The following SGTB variants were observed in gnomAD, a reference collection of about 807,000 sequenced individuals.
The protein encoded by SGTB is small glutamine-rich tetratricopeptide repeat-containing protein beta.
A neutral mutation model predicts 43.9 loss-of-function variants in SGTB; 19 were observed. The ratio of observed to expected loss-of-function variants is 0.43; its 90% confidence interval spans 0.30 to 0.63. The LOEUF (loss-of-function observed/expected upper bound fraction) is 0.63, where lower values mean the gene tolerates loss of function less well. Among genes scored for constraint, SGTB ranks in the 30% least tolerant of loss-of-function variants. The probability of loss-of-function intolerance (pLI) is 0.12; values close to 1 mark genes in which losing one functional copy is unlikely to be tolerated. For missense variants in SGTB, 304 were observed against 358.9 expected, an observed-to-expected ratio of 0.85 and a Z score of 1.24; for synonymous variants, 116 against 117.3, an observed-to-expected ratio of 0.99 and a Z score of 0.07.
chr5:65,712,537 G>A (rs1252796913), intron 3 of SGTB, among the ~76,000 whole-genome samples: 2 of 152,178 alleles, frequency 1.3e-5, no homozygotes, highest in Non-Finnish European at 2.9e-5. Context: ...CAGAAATGAC[G>A]ATTCAATTCC....
Position 65,685,399 on chromosome 5 carries a change from A to C in SGTB, c.448T>G (p.Ser150Ala). 5 of 1,614,174 alleles carry C rather than the reference A, an allele frequency of 3.1e-6. No homozygotes were observed. Among genetic ancestry groups the C allele is most frequent in the Admixed American group, 3.3e-5 (2 of 60,030 alleles). The part of the protein sequence containing the change: ...KDCEKAIAID[S>A]KYSKAYGRMG... ...CTCCCATAGGCCTTGCTGTACTTTG[A>C]ATCAATTGCTATTGCTTTTTCACAA... is the stretch of plus-strand genomic sequence containing the variant. The change falls in exon 6 of 11, where the codon TCA becomes GCA. Residue 150 changes from serine to alanine, a missense_variant. Coordinates refer to ENST00000381007, the MANE Select transcript of SGTB (RefSeq NM_019072.3).
intron 5 of SGTB, among the ~76,000 whole-genome samples, chr5:65,702,467 A>G (rs914027113): frequency 2.6e-5 from 4 of 152,222 alleles, no homozygotes; most frequent in Non-Finnish European, 5.9e-5. Context: ...GCCAGATGGT[A>G]AAAGAGACTG....
At chr5:65,720,189 C>G (rs1457222981) in intron 2 of SGTB, among the ~76,000 whole-genome samples, 1 of 151,498 alleles carries the variant, frequency 6.6e-6, no homozygotes, top group African/African-American at 2.4e-5. Flanking sequence ...TTAAGCCACC[C>G]TCCTATCTCA....
rs556173433 is a variant in SGTB, at chr5:65,669,888, A to G, written c.*358T>C. On this transcript the variant is annotated 3_prime_UTR_variant, in exon 11 of 11. Coordinates refer to ENST00000381007, the MANE Select transcript of SGTB (RefSeq NM_019072.3). ...TTTGCTTAAGGGAAATTGGAGCTAA[A>G]GAGCTTACCAACAAATAGCCCTACT... 16 of 164,244 alleles carry G rather than the reference A, an allele frequency of 9.7e-5. No homozygotes were observed. The Middle Eastern group carries it at 7.9e-3, about 81-fold the overall frequency. The allele number at this position is 164,244 out of a possible 1,614,324, so 10.2% of individuals were successfully genotyped here. A position where few individuals can be genotyped will look rare whatever the true frequency, so the allele number is the denominator to read the frequency against.
intron 5 of SGTB, among the ~76,000 whole-genome samples, chr5:65,690,764 A>G (rs151040038): frequency 1.3e-5 from 2 of 152,320 alleles, no homozygotes; most frequent in African/African-American, 2.4e-5. Context: ...CTCTCATCCT[A>G]TAGGGGATGG....
intron 6 of SGTB, among the ~76,000 whole-genome samples, 175 bp from the exon 7 acceptor site, chr5:65,680,969 A>G (rs949483585): frequency 7.9e-5 from 12 of 152,130 alleles, no homozygotes; most frequent in African/African-American, 2.4e-4. Context: ...AAGATTCTAT[A>G]TATCTGAACT....
In SGTB at chr5:65,669,042, C is replaced by A. The variant is rs2150700138; in HGVS notation, c.*1204G>T. ...CTAGTTGGAATTAAACTCTCATCAT[C>A]AATGTAGTTAGACCCATGCAATTAA... On this transcript the variant is annotated 3_prime_UTR_variant, in exon 11 of 11. Transcript: ENST00000381007. 1 of 152,266 alleles carries A rather than the reference C, an allele frequency of 6.6e-6. No individual in the cohort carries two copies. Among genetic ancestry groups the A allele is most frequent in the Admixed American group, 6.5e-5 (1 of 15,280 alleles). 9.4% of individuals were successfully genotyped at this position (152,266 alleles called of 1,614,324 possible).
intron 5 of SGTB, among the ~76,000 whole-genome samples, chr5:65,698,522 A>G (rs1203190034): frequency 6.6e-6 from 1 of 152,238 alleles, no homozygotes; most frequent in Non-Finnish European, 1.5e-5. Context: ...GGAACCATCA[A>G]AAATAAATAA....
chr5:65,695,073 A>C (rs1757693286), intron 5 of SGTB, among the ~76,000 whole-genome samples: 1 of 152,212 alleles, frequency 6.6e-6, no homozygotes, highest in African/African-American at 2.4e-5. Flanking sequence ...ATCTTAGAAA[A>C]AAAACGTCTT....
chr5:65,713,345 CAAGGTTT>C (rs1413015740), intron 2 of SGTB, among the ~76,000 whole-genome samples: 1 of 151,748 alleles, frequency 6.6e-6, no homozygotes, highest in Non-Finnish European at 1.5e-5. Context: ...TTTTTAGAGA[CAAGGTTT>C]CACTTTGTGG....
intron 8 of SGTB, among the ~76,000 whole-genome samples, chr5:65,674,607 A>G (rs1008017900): frequency 2.0e-5 from 3 of 152,194 alleles, no homozygotes; most frequent in African/African-American, 7.2e-5. Context: ...GCTCTCTCCA[A>G]AAATCATGTT....
intron 2 of SGTB, among the ~76,000 whole-genome samples, chr5:65,716,035 A>C (rs981034084): frequency 6.6e-6 from 1 of 152,150 alleles, no homozygotes; most frequent in African/African-American, 2.4e-5. Context: ...CTCCCGAAGT[A>C]CTGGGATTAC....
At chr5:65,671,612 G>A (rs1195150797) in intron 10 of SGTB, among the ~76,000 whole-genome samples, 1 of 135,768 alleles carries the variant, frequency 7.4e-6, no homozygotes, top group African/African-American at 2.7e-5. Context: ...GTACTTGAAA[G>A]TCCCAAAAAA....
At chr5:65,685,058 G>A (rs999482730) in intron 6 of SGTB, among the ~76,000 whole-genome samples, 9 of 152,266 alleles carry the variant, frequency 5.9e-5, no homozygotes, top group South Asian at 4.2e-4. Flanking sequence ...GTATGAAATC[G>A]TCACATCAGC....
rs944778651 is a variant in SGTB, at chr5:65,680,480, G to C, written c.681+14C>G. ...AAACATAGCCAGTAGAGGCAGAAAA[G>C]AAAGTATACTCACCATACTAATGAA... On this transcript the variant is annotated intron_variant, in intron 8 of 10. Coordinates refer to ENST00000381007, the MANE Select transcript of SGTB (RefSeq NM_019072.3). The C allele has an allele frequency of 6.2e-7, 1 of 1,608,026 alleles. No individual in the cohort carries two copies. Among genetic ancestry groups the C allele is most frequent in the Non-Finnish European group, 8.5e-7 (1 of 1,179,776 alleles).
intron 10 of SGTB, among the ~76,000 whole-genome samples, chr5:65,671,097 T>A (rs1757145463): frequency 6.6e-6 from 1 of 152,250 alleles, no homozygotes; most frequent in Non-Finnish European, 1.5e-5. Context: ...CATTAAAGTA[T>A]GTAACAAGTG....
chr5:65,721,278 G>A (rs1758270494), intron 1 of SGTB, among the ~76,000 whole-genome samples: 2 of 152,206 alleles, frequency 1.3e-5, no homozygotes, highest in South Asian at 4.1e-4. Context: ...ACTTTTGTAG[G>A]TTGAGAGTTA....
chr5:65,705,344 C>T (rs1220697939), intron 4 of SGTB, among the ~76,000 whole-genome samples: 1 of 152,070 alleles, frequency 6.6e-6, no homozygotes, highest in African/African-American at 2.4e-5. Flanking sequence ...GTCCCAGCTA[C>T]TTGGAGGCTG....
chr5:65,702,470 AG>A (rs745698608), intron 5 of SGTB, among the ~76,000 whole-genome samples: 89 of 152,328 alleles, frequency 5.8e-4, no homozygotes, highest in Non-Finnish European at 1.0e-3. Context: ...AGATGGTAAA[AG>A]AGACTGGGAA....
Sources: gnomAD v4.1 joint callset for allele counts (sites outside exome capture counted in the v4.1 genomes callset) on GRCh38, gnomAD v4.1.1 for gene constraint, MANE v1.5 for transcripts, NCBI Gene and HGNC (gene_info 2026-07-23, HGNC 2026-07-21) for gene names.